The following NAV3 variants were observed in gnomAD, a reference collection of about 807,000 sequenced individuals.
NAV3 encodes the protein neuron navigator 3, also known as pore membrane and/or filament interacting like protein 1.
NAV3 carries 87 observed loss-of-function variants against 244.7 expected under a neutral mutation model. The observed-to-expected ratio is 0.36, with a 90% confidence interval of 0.30 to 0.42. The LOEUF is 0.42. Among genes scored for constraint, NAV3 ranks in the 20% least tolerant of loss-of-function variants. The probability of loss-of-function intolerance (pLI) is 1.00; values close to 1 mark genes in which losing one functional copy is unlikely to be tolerated. For missense variants in NAV3, 2,663 were observed against 2,893.3 expected, an observed-to-expected ratio of 0.92 and a Z score of 1.83; for synonymous variants, 1,126 against 1,042.2, an observed-to-expected ratio of 1.08 and a Z score of -1.55.
intron 2 of NAV3, among the ~76,000 whole-genome samples, chr12:77,750,248 G>C (rs1868777159): frequency 6.6e-6 from 1 of 152,162 alleles, no homozygotes; most frequent in Non-Finnish European, 1.5e-5. Context: ...AGCTACTCCG[G>C]AGGCTGATGC....
At chr12:78,201,182 G>A (rs1347264218) in intron 38 of NAV3, among the ~76,000 whole-genome samples, 1 of 150,100 alleles carries the variant, frequency 6.7e-6, no homozygotes, top group Non-Finnish European at 1.5e-5. Context: ...CAGTGATGAG[G>A]CTTTCCAAGT....
intron 2 of NAV3, among the ~76,000 whole-genome samples, chr12:77,797,576 C>G (rs1205360745): frequency 7.5e-6 from 1 of 132,920 alleles, no homozygotes; most frequent in African/African-American, 2.9e-5. Flanking sequence ...GGCGTGGTGG[C>G]TCAGGCCTGT....
chr12:77,621,167 G>T (rs1277169049), intron 2 of NAV3, among the ~76,000 whole-genome samples: 1 of 152,110 alleles, frequency 6.6e-6, no homozygotes, highest in African/African-American at 2.4e-5. Context: ...TCTTCTACAG[G>T]TTTACCATTT....
At chr12:78,064,243 G>A (rs927756818) in intron 12 of NAV3, among the ~76,000 whole-genome samples, 5 of 152,104 alleles carry the variant, frequency 3.3e-5, no homozygotes, top group African/African-American at 1.2e-4. Context: ...TAGACATTTA[G>A]TTTTTCACAG....
intron 2 of NAV3, among the ~76,000 whole-genome samples, chr12:77,619,938 T>C (rs777819413): frequency 1.3e-5 from 2 of 152,192 alleles, no homozygotes; most frequent in Non-Finnish European, 2.9e-5. Context: ...TTAAATGTTC[T>C]ATTTTAGTAA....
At chr12:77,579,491 A>C (rs998161093) in intron 2 of NAV3, among the ~76,000 whole-genome samples, 3 of 152,220 alleles carry the variant, frequency 2.0e-5, no homozygotes, top group African/African-American at 7.2e-5. Context: ...ATCACAGAAG[A>C]AGCAAGAGAG....
chr12:77,600,445 T>G (rs1409683182), intron 2 of NAV3, among the ~76,000 whole-genome samples: 4 of 151,968 alleles, frequency 2.6e-5, no homozygotes, highest in Admixed American at 2.0e-4. Flanking sequence ...CCTTCAAGTC[T>G]TCCCCAAGCT....
chr12:78,059,688 T>G (rs1884046635), intron 12 of NAV3, among the ~76,000 whole-genome samples: 1 of 152,158 alleles, frequency 6.6e-6, no homozygotes, highest in African/African-American at 2.4e-5. Flanking sequence ...TTTTTTTTAA[T>G]TTCAGGTAAC....
chr12:78,193,933 C>T (rs1250109147), intron 34 of NAV3, among the ~76,000 whole-genome samples: 1 of 152,052 alleles, frequency 6.6e-6, no homozygotes, highest in African/African-American at 2.4e-5. Context: ...TTCATGTTAT[C>T]ATTTTCTCCT....
chr12:78,106,447 T>A (rs1157173190), intron 12 of NAV3, among the ~76,000 whole-genome samples: 1 of 152,194 alleles, frequency 6.6e-6, no homozygotes, highest in Non-Finnish European at 1.5e-5. Flanking sequence ...GATACTCATT[T>A]GTGGATTGAG....
chr12:78,018,958 C>T (rs1876696033), intron 8 of NAV3, among the ~76,000 whole-genome samples: 1 of 151,988 alleles, frequency 6.6e-6, no homozygotes, highest in Admixed American at 6.6e-5. Flanking sequence ...TGGGGAGGGA[C>T]TGTCAGTAGA....
chr12:77,985,142 A>C (rs1443245761), intron 5 of NAV3, among the ~76,000 whole-genome samples: 1 of 152,140 alleles, frequency 6.6e-6, no homozygotes, highest in African/African-American at 2.4e-5. Context: ...AATATTAGTT[A>C]GTATACATGG....
intron 2 of NAV3, among the ~76,000 whole-genome samples, chr12:77,805,001 A>T (rs780536621): frequency 1.3e-5 from 2 of 152,008 alleles, no homozygotes; most frequent in Non-Finnish European, 2.9e-5. Flanking sequence ...AACGCTTCTG[A>T]TTTTTGTACA....
chr12:77,805,618 C>A (rs1352330640), intron 2 of NAV3, among the ~76,000 whole-genome samples: 2 of 150,584 alleles, frequency 1.3e-5, no homozygotes, highest in African/African-American at 2.4e-5. Context: ...GGATATTGGG[C>A]TGAAATTTTC....
chr12:77,802,062 A>G (rs1477180162), intron 2 of NAV3, among the ~76,000 whole-genome samples: 1 of 152,214 alleles, frequency 6.6e-6, no homozygotes, highest in Non-Finnish European at 1.5e-5. Flanking sequence ...TTTGGATTAT[A>G]CATATAGATA....
rs199900674 is a variant in NAV3 at position 77,872,345 on chromosome 12, G to GA, written c.243+40650dup. Reference sequence around the variant, plus strand: ...CTTGTGTGTAAGACCAGCTAATACGGAAAAAAAAACATTAATGTCATCTAA... The same window carrying GA: ...CTTGTGTGTAAGACCAGCTAATACGGAAAAAAAAAACATTAATGTCATCTAA... On this transcript the variant is annotated intron_variant, in intron 1 of 39. Coordinates refer to ENST00000397909, the MANE Select transcript of NAV3 (RefSeq NM_001024383.2). Among the ~76,000 whole-genome samples, 951 of 150,154 alleles carry GA rather than the reference G, an allele frequency of 6.3e-3. 11 individuals carry two copies. The highest frequency in any genetic ancestry group is 0.021 in the African/African-American group (856 of 40,956).
chr12:77,757,328 G>A (rs1228292736), intron 2 of NAV3, among the ~76,000 whole-genome samples: 1 of 152,142 alleles, frequency 6.6e-6, no homozygotes, highest in Non-Finnish European at 1.5e-5. Context: ...TTTTCCTGTA[G>A]CAATGGGCCT....
At chr12:77,825,411 A>G (rs1872937157) in intron 2 of NAV3, among the ~76,000 whole-genome samples, 1 of 152,230 alleles carries the variant, frequency 6.6e-6, no homozygotes, top group African/African-American at 2.4e-5. Flanking sequence ...GTATGCTAAC[A>G]GTAGCACAAG....
intron 18 of NAV3, among the ~76,000 whole-genome samples, chr12:78,135,129 A>G (rs1412549943): frequency 6.6e-6 from 1 of 152,216 alleles, no homozygotes; most frequent in East Asian, 1.9e-4. Context: ...GTTCCATTCA[A>G]AAAATTATCT....
Sources: allele counts gnomAD v4.1 joint callset (sites outside exome capture counted in the v4.1 genomes callset), GRCh38; gene constraint gnomAD v4.1.1; transcripts MANE v1.5; gene names NCBI Gene and HGNC (gene_info 2026-07-23, HGNC 2026-07-21).